Variants in HCN1 observed in about 807,000 individuals in gnomAD.
HCN1 encodes hyperpolarization activated cyclic nucleotide gated potassium channel 1, also known as potassium/sodium hyperpolarization-activated cyclic nucleotide-gated channel 1.
Under a neutral mutation model 78.9 loss-of-function variants are expected in HCN1, and 13 were observed. That is an observed-to-expected ratio of 0.16 (90% CI 0.11 to 0.26). The LOEUF (loss-of-function observed/expected upper bound fraction) is 0.26. Ranked by LOEUF, HCN1 falls within the 10% of genes least tolerant of loss-of-function variation. The pLI is 1.00. For synonymous variants in HCN1, 552 were observed against 455.5 expected (o/e 1.21, Z -2.70); for missense variants, 810 against 1,154.3 (o/e 0.70, Z 4.32).
chr5:45,315,455 G>A (rs1336963593), intron 5 of HCN1, among the ~76,000 whole-genome samples: 1 of 152,102 alleles, frequency 6.6e-6, no homozygotes, highest in Non-Finnish European at 1.5e-5. Flanking sequence ...GCCCACAAGA[G>A]AAAGCAGGAA....
chr5:45,682,738 A>C (rs2112091044), intron 1 of HCN1, among the ~76,000 whole-genome samples: 1 of 152,250 alleles, frequency 6.6e-6, no homozygotes, highest in Non-Finnish European at 1.5e-5. Flanking sequence ...TAAGTATGAT[A>C]AATTGTGTAA....
At chr5:45,460,927 T>C (rs1741141598) in intron 3 of HCN1, among the ~76,000 whole-genome samples, 1 of 151,522 alleles carries the variant, frequency 6.6e-6, no homozygotes, top group Admixed American at 6.6e-5. Context: ...AAAGACAGTA[T>C]TTGATTTATA....
At chr5:45,593,634 T>C (rs1480272166) in intron 2 of HCN1, among the ~76,000 whole-genome samples, 4 of 105,292 alleles carry the variant, frequency 3.8e-5, no homozygotes, top group Non-Finnish European at 7.3e-5. Context: ...TACAGCGGGG[T>C]AGCTATTTTC....
At chr5:45,483,720 T>C (rs1741703941) in intron 2 of HCN1, among the ~76,000 whole-genome samples, 1 of 152,122 alleles carries the variant, frequency 6.6e-6, no homozygotes, top group Admixed American at 6.5e-5. Context: ...GAGTACTTCC[T>C]AGGTTTTCTG....
intron 2 of HCN1, among the ~76,000 whole-genome samples, chr5:45,475,377 C>T (rs1741491489): frequency 6.6e-6 from 1 of 151,816 alleles, no homozygotes; most frequent in Non-Finnish European, 1.5e-5. Context: ...TTGAATTATT[C>T]AAAAATATTA....
chr5:45,637,439 A>T (rs993112940), intron 2 of HCN1, among the ~76,000 whole-genome samples: 3 of 151,808 alleles, frequency 2.0e-5, no homozygotes, highest in Non-Finnish European at 2.9e-5. Context: ...TTTCCCCGAC[A>T]CTATGCTAGG....
At chr5:45,659,091 A>T (rs1745858388) in intron 1 of HCN1, among the ~76,000 whole-genome samples, 1 of 152,112 alleles carries the variant, frequency 6.6e-6, no homozygotes, top group African/African-American at 2.4e-5. Flanking sequence ...TTCTCCCAGC[A>T]CGCAGCTAGA....
At chr5:45,312,723 C>T (rs1358792116) in intron 5 of HCN1, among the ~76,000 whole-genome samples, 7 of 152,336 alleles carry the variant, frequency 4.6e-5, no homozygotes, top group East Asian at 1.9e-4. Context: ...GATTATATCC[C>T]GCACCTGGCT....
intron 2 of HCN1, among the ~76,000 whole-genome samples, chr5:45,487,103 A>C (rs1347593810): frequency 6.6e-6 from 1 of 152,110 alleles, no homozygotes; most frequent in Non-Finnish European, 1.5e-5. Context: ...ATACAGCAAA[A>C]CTTTGAACAG....
intron 3 of HCN1, among the ~76,000 whole-genome samples, chr5:45,439,811 A>G (rs1338864675): frequency 6.6e-6 from 1 of 151,924 alleles, no homozygotes; most frequent in African/African-American, 2.4e-5. Flanking sequence ...ACGAAGACAA[A>G]CTTCCTGGAA....
At chr5:45,399,542 T>C (rs1207111144) in intron 3 of HCN1, among the ~76,000 whole-genome samples, 1 of 152,196 alleles carries the variant, frequency 6.6e-6, no homozygotes, top group African/African-American at 2.4e-5. Flanking sequence ...ATTTGTCAAA[T>C]TAACTCTTAA....
chr5:45,409,257 G>A (rs771755248), intron 3 of HCN1, among the ~76,000 whole-genome samples: 10 of 151,920 alleles, frequency 6.6e-5, no homozygotes, highest in Non-Finnish European at 1.2e-4. Context: ...ATTTCTTACC[G>A]ATGTGTGTGT....
chr5:45,267,819 T>C (rs1448208918), intron 6 of HCN1, among the ~76,000 whole-genome samples: 1 of 151,904 alleles, frequency 6.6e-6, no homozygotes, highest in African/African-American at 2.4e-5. Context: ...TTGGTTTAAA[T>C]GCAAGGCTGA....
At chr5:45,438,428 T>A (rs1227515491) in intron 3 of HCN1, among the ~76,000 whole-genome samples, 1 of 151,752 alleles carries the variant, frequency 6.6e-6, no homozygotes, top group Non-Finnish European at 1.5e-5. Context: ...CCGTCTCTAC[T>A]AAAAATATAA....
chr5:45,330,251 AATATT>A (rs1373440244), intron 5 of HCN1, among the ~76,000 whole-genome samples: 2 of 151,302 alleles, frequency 1.3e-5, no homozygotes, highest in Admixed American at 6.6e-5. Flanking sequence ...GGCATACATA[AATATT>A]TGGGGAGTTA....
chr5:45,624,074 CTG>C (rs1745118875), intron 2 of HCN1, among the ~76,000 whole-genome samples: 1 of 152,102 alleles, frequency 6.6e-6, no homozygotes, highest in African/African-American at 2.4e-5. Flanking sequence ...AACAAGGACT[CTG>C]TAATACAAGG....
chr5:45,611,275 T>C (rs1361035804), intron 2 of HCN1, among the ~76,000 whole-genome samples: 12 of 142,266 alleles, frequency 8.4e-5, no homozygotes, highest in South Asian at 2.3e-4. Context: ...TTTTCTTTTT[T>C]TTTTTTTTTT....
intron 2 of HCN1, among the ~76,000 whole-genome samples, chr5:45,518,160 G>A (rs535055710): frequency 3.7e-4 from 56 of 152,124 alleles, no homozygotes; most frequent in African/African-American, 1.2e-3. Flanking sequence ...AGGATTTACC[G>A]GGAGGTTACA....
intron 1 of HCN1, among the ~76,000 whole-genome samples, chr5:45,672,051 G>A (rs1297690070): frequency 6.6e-6 from 1 of 151,462 alleles, no homozygotes; most frequent in Non-Finnish European, 1.5e-5. Flanking sequence ...TGGCAGAGAG[G>A]AAAGAAAGAG....
Sources: allele counts gnomAD v4.1 joint callset (sites outside exome capture counted in the v4.1 genomes callset), GRCh38; gene constraint gnomAD v4.1.1; transcripts MANE v1.5; gene names NCBI Gene and HGNC (gene_info 2026-07-23, HGNC 2026-07-21).